The following NAE1 variants were observed in gnomAD, a reference collection of about 807,000 sequenced individuals.
NAE1 encodes NEDD8 activating enzyme E1 subunit 1, also known as NEDD8-activating enzyme E1 regulatory subunit.
A neutral mutation model predicts 88.0 loss-of-function variants in NAE1; 59 were observed. The observed-to-expected ratio is 0.67, with a 90% CI of 0.54 to 0.83. The LOEUF (loss-of-function observed/expected upper bound fraction) is 0.83. Ranked by LOEUF, NAE1 falls within the 40% of genes least tolerant of loss-of-function variation. NAE1 has a pLI of 0.00. For synonymous variants in NAE1, 186 were observed against 208.9 expected, an observed-to-expected ratio of 0.89 and a Z score of 0.95; for missense variants, 554 against 632.8, an observed-to-expected ratio of 0.88 and a Z score of 1.34.
chr16:66,826,663 C>T lies in NAE1; in HGVS notation c.157+14G>A. 1 of 1,613,890 alleles carries T rather than the reference C, an allele frequency of 6.2e-7. No homozygotes were observed. The highest frequency in any genetic ancestry group is 8.5e-7 in the Non-Finnish European group (1 of 1,179,910). On this transcript the variant is annotated intron_variant, in intron 2 of 19. Coordinates refer to ENST00000290810, the MANE Select transcript of NAE1 (RefSeq NM_003905.4). Reference sequence around the variant, plus strand: ...AAGAAGTATATTTAGAACACAACCACAAACCTACGTTACCTGGTAGTACCA... The same window carrying T: ...AAGAAGTATATTTAGAACACAACCATAAACCTACGTTACCTGGTAGTACCA...
At chr16:66,824,165 A>C (rs955352071) in intron 4 of NAE1, among the ~76,000 whole-genome samples, 1 of 152,120 alleles carries the variant, frequency 6.6e-6, no homozygotes, top group Non-Finnish European at 1.5e-5. Flanking sequence ...ATGACCAAAA[A>C]ACTCTGGGTA....
rs151049448 is a variant in NAE1, at chr16:66,821,496, T to G, written c.465A>C (p.Thr155=). Residue 155 remains threonine, a synonymous_variant, in exon 7 of 20, where the codon ACA becomes ACC. Coordinates refer to ENST00000290810, the MANE Select transcript of NAE1 (RefSeq NM_003905.4). ...TCCTCATATAACCAACTAGTCCATA[T>G]GTCCTACAGATCAAAAGAGGAATCT... ...NSQIPLLICR[T]YGLVGYMRII... 2.5e-6 allele frequency: 4 copies of G among 1,603,746 alleles called. No homozygotes were observed. In the African/African-American group the frequency reaches 5.4e-5, roughly 22 times the overall value.
At chr16:66,828,042 G>C in intron 1 of NAE1, 1 of 1,613,830 alleles carries the variant, frequency 6.2e-7, no homozygotes. Flanking sequence ...TGCTCCATAA[G>C]GGCCCAGACA....
At chr16:66,808,217 C>G (rs1248030641) in intron 17 of NAE1, among the ~76,000 whole-genome samples, 1 of 152,120 alleles carries the variant, frequency 6.6e-6, no homozygotes, top group Non-Finnish European at 1.5e-5. Context: ...TTGTGGCTTT[C>G]CTATTCCACT....
intron 15 of NAE1, 120 bp downstream of exon 15, chr16:66,810,254 A>G (rs960777660): frequency 1.5e-5 from 11 of 737,870 alleles, no homozygotes; most frequent in African/African-American, 5.7e-5. Context: ...ATAATTATCT[A>G]TATCTATATC....
intron 19 of NAE1, 35 bp downstream of exon 19, chr16:66,805,742 A>C: frequency 7.0e-7 from 1 of 1,429,052 alleles, no homozygotes; most frequent in Non-Finnish European, 9.2e-7. Context: ...TGTACTATGT[A>C]ACAACAGGTG....
intron 19 of NAE1, 100 bp downstream of exon 19, chr16:66,805,677 C>A: frequency 1.1e-6 from 1 of 938,622 alleles, no homozygotes; most frequent in Non-Finnish European, 1.5e-6. Flanking sequence ...TCCTGCTTCA[C>A]TGACCTCCCT....
intron 17 of NAE1, among the ~76,000 whole-genome samples, chr16:66,808,174 G>A (rs1278885447): frequency 6.6e-6 from 1 of 152,076 alleles, no homozygotes; most frequent in African/African-American, 2.4e-5. Flanking sequence ...TTACAGACGT[G>A]AGCCACCGTA....
intron 17 of NAE1, among the ~76,000 whole-genome samples, chr16:66,806,527 T>C (rs1959574184): frequency 6.6e-6 from 1 of 152,006 alleles, no homozygotes; most frequent in Non-Finnish European, 1.5e-5. Context: ...CGGGTTCAAA[T>C]GATTCTCATG....
intron 10 of NAE1, 116 bp from the exon 11 acceptor site, chr16:66,816,788 G>A (rs1567492525): frequency 4.0e-6 from 5 of 1,258,888 alleles, no homozygotes; most frequent in Non-Finnish European, 4.4e-6. Context: ...GAAGAAATAC[G>A]GCTTATCATT....
chr16:66,815,650 G>A (rs1477388781), intron 11 of NAE1, among the ~76,000 whole-genome samples: 1 of 151,302 alleles, frequency 6.6e-6, no homozygotes, highest in Non-Finnish European at 1.5e-5. Context: ...CACCACACCT[G>A]GCCAGCAAAC....
chr16:66,826,622 C>A, intron 2 of NAE1, 39 bp from the exon 3 acceptor site: 2 of 1,613,894 alleles, frequency 1.2e-6, no homozygotes, highest in East Asian at 2.2e-5. Flanking sequence ...ATACATAGTT[C>A]TAGGTCATAA....
chr16:66,829,441 A>G (rs780499437), intron 1 of NAE1, among the ~76,000 whole-genome samples: 5 of 152,222 alleles, frequency 3.3e-5, no homozygotes, highest in Non-Finnish European at 7.3e-5. Context: ...TGGCTCAAAG[A>G]TATGGGGAAC....
At chr16:66,811,588 A>C (rs947255019) in intron 13 of NAE1, among the ~76,000 whole-genome samples, 1 of 152,090 alleles carries the variant, frequency 6.6e-6, no homozygotes, top group Non-Finnish European at 1.5e-5. Flanking sequence ...ACCATGGAAA[A>C]CGTAAAATTT....
At chr16:66,824,118 A>T (rs540975331) in intron 4 of NAE1, among the ~76,000 whole-genome samples, 2,384 of 152,288 alleles carry the variant, frequency 0.016, 55 homozygotes, top group South Asian at 0.095. Context: ...GAGTTCTCAA[A>T]TGACATTACT....
intron 19 of NAE1, among the ~76,000 whole-genome samples, chr16:66,804,457 C>G (rs887201831): frequency 1.1e-4 from 16 of 152,150 alleles, no homozygotes; most frequent in Non-Finnish European, 2.4e-4. Context: ...CTGAATCAGG[C>G]TTTAATTTGG....
chr16:66,821,565 TAAA>T lies in NAE1; in HGVS notation c.402-9_402-7del. 8.0e-7 allele frequency: 1 copy of T among 1,254,012 alleles called. No homozygotes were observed. The highest frequency in any genetic ancestry group is 2.7e-5 in the Admixed American group (1 of 37,718). 77.7% of individuals were successfully genotyped at this position (1,254,012 alleles called of 1,614,324 possible). ...CTGCTAAGCGTAGTGAAGTGCTGTT[TAAA>T]AAAAAAAAGCAAAATATGAACATAA... On this transcript the variant is annotated splice_region_variant and splice_polypyrimidine_tract_variant and intron_variant, in intron 6 of 19. Transcript: ENST00000290810.
chr16:66,824,182 AG>A (rs986754118), intron 4 of NAE1, among the ~76,000 whole-genome samples: 5 of 152,234 alleles, frequency 3.3e-5, no homozygotes, highest in Admixed American at 2.6e-4. Flanking sequence ...GGTAGCAGGC[AG>A]GGATATCCTG....
At chr16:66,816,162 C>T (rs1960037831) in intron 11 of NAE1, among the ~76,000 whole-genome samples, 1 of 152,022 alleles carries the variant, frequency 6.6e-6, no homozygotes, top group South Asian at 2.1e-4. Context: ...ACAACTAAGC[C>T]ATAACAAAAC....
Sources: gnomAD v4.1 joint callset for allele counts (sites outside exome capture counted in the v4.1 genomes callset) on GRCh38, gnomAD v4.1.1 for gene constraint, MANE v1.5 for transcripts, NCBI Gene and HGNC (gene_info 2026-07-23, HGNC 2026-07-21) for gene names.